SHQ1: variants seen among roughly 807,000 people sequenced by gnomAD.
The protein encoded by SHQ1 is protein SHQ1 homolog.
SHQ1 carries 49 observed loss-of-function variants against 53.8 expected under a neutral mutation model. The ratio of observed to expected loss-of-function variants is 0.91; its 90% CI spans 0.72 to 1.16. The LOEUF (loss-of-function observed/expected upper bound fraction) is 1.16. SHQ1 is among the 50% of genes most tolerant of loss of function. SHQ1 has a pLI of 0.00. For synonymous variants in SHQ1, 243 were observed against 251.0 expected (o/e 0.97, Z 0.30); for missense variants, 738 against 683.1 (o/e 1.08, Z -0.90).
At chr3:72,728,745 G>GTAAA in the SHQ1 span, among the ~76,000 whole-genome samples, 1 of 152,210 alleles carries the variant, frequency 6.6e-6, no homozygotes, top group East Asian at 1.9e-4. Context: ...AAGTTAGGAA[G>GTAAA]CAAATCAACA....
chr3:72,795,819 T>C (rs939687803), intron 9 of SHQ1, among the ~76,000 whole-genome samples: 31 of 152,232 alleles, frequency 2.0e-4, no homozygotes, highest in African/African-American at 7.2e-4. Context: ...AAATGCAGGA[T>C]TGGGGCTAGG....
intron 10 of SHQ1, among the ~76,000 whole-genome samples, chr3:72,757,812 A>C (rs1045460152): frequency 6.6e-6 from 1 of 152,190 alleles, no homozygotes; most frequent in African/African-American, 2.4e-5. Context: ...AACACACACC[A>C]GGGCCTATCA....
chr3:72,839,783 CAG>C (rs1708108649), intron 4 of SHQ1, among the ~76,000 whole-genome samples: 4 of 152,046 alleles, frequency 2.6e-5, no homozygotes, highest in Non-Finnish European at 4.4e-5. Flanking sequence ...TTCTTTGAGA[CAG>C]AGTCTCACAC....
rs140946042 is a variant in SHQ1 at position 72,749,502 on chromosome 3, T to C, written c.*782A>G. The C allele has an allele frequency of 4.0e-3, 865 of 218,410 alleles. 7 individuals carry two copies. Among genetic ancestry groups the C allele is most frequent in the African/African-American group, 0.017 (773 of 44,634 alleles). The allele number at this position is 218,410 out of a possible 1,614,324, so 13.5% of individuals were successfully genotyped here. On this transcript the variant is annotated 3_prime_UTR_variant, in exon 11 of 11. Transcript: ENST00000325599. ...CAAAAAAGGGATACATATTGTATGA[T>C]TCAATTTACATAGAATTCTAGGACA...
At chr3:72,793,279 G>A (rs547336557) in intron 9 of SHQ1, 39 of 299,348 alleles carry the variant, frequency 1.3e-4, no homozygotes, top group Non-Finnish European at 2.0e-4. Flanking sequence ...AGGCCGAGGC[G>A]GGCAGATCAC....
At chr3:72,754,013 A>C (rs1705446110) in intron 10 of SHQ1, among the ~76,000 whole-genome samples, 1 of 152,192 alleles carries the variant, frequency 6.6e-6, no homozygotes, top group South Asian at 2.1e-4. Context: ...GGGAAAGTGG[A>C]TACTGCCTCT....
At chr3:72,845,599 T>C (rs2055482) in intron 1 of SHQ1, among the ~76,000 whole-genome samples, 9,914 of 152,298 alleles carry the variant, frequency 0.065, 478 homozygotes, top group Non-Finnish European at 0.093. Flanking sequence ...AGGAATCTAA[T>C]TGTCACTTTT....
At chr3:72,742,701 C>G in the SHQ1 span, among the ~76,000 whole-genome samples, 4 of 149,612 alleles carry the variant, frequency 2.7e-5, no homozygotes, top group Non-Finnish European at 5.9e-5. Context: ...ACTGCAACCT[C>G]TGCCTCCCAA....
At chr3:72,792,657 C>G (rs141185313) in intron 10 of SHQ1, among the ~76,000 whole-genome samples, 1 of 151,970 alleles carries the variant, frequency 6.6e-6, no homozygotes. Context: ...TGGTGGCACA[C>G]GCCTGTAATC....
intron 5 of SHQ1, among the ~76,000 whole-genome samples, chr3:72,825,836 C>T (rs1216727669): frequency 6.6e-6 from 1 of 152,150 alleles, no homozygotes; most frequent in African/African-American, 2.4e-5. Flanking sequence ...CCACAGCCTT[C>T]CCTTTCAACT....
intron 10 of SHQ1, among the ~76,000 whole-genome samples, chr3:72,788,440 G>A (rs1575693420): frequency 6.6e-6 from 1 of 151,906 alleles, no homozygotes; most frequent in Non-Finnish European, 1.5e-5. Context: ...CTGCCCGGCA[G>A]CCGCCCTGTC....
rs375506568 is a variant in SHQ1, at chr3:72,801,223, C to T, written c.1061-8187G>A. Among the ~76,000 whole-genome samples, 18 of 152,064 alleles carry T rather than the reference C, an allele frequency of 1.2e-4. No homozygotes were observed. In the South Asian group the frequency reaches 3.5e-3, roughly 30 times the overall value. On this transcript the variant is annotated intron_variant, in intron 9 of 10. Transcript: ENST00000325599. ...ATGCATGGAAAAAAGCTCTTTGAAACAGCTGCAACCTAAACCTGAACTTTT... is the reference window on the plus strand; with the variant it reads ...ATGCATGGAAAAAAGCTCTTTGAAATAGCTGCAACCTAAACCTGAACTTTT...
At chr3:72,765,553 A>ATTTTTTT (rs1301529961) in intron 10 of SHQ1, among the ~76,000 whole-genome samples, 3 of 85,468 alleles carry the variant, frequency 3.5e-5, no homozygotes, top group African/African-American at 2.1e-4. Context: ...ATATATATAT[A>ATTTTTTT]TATATTTTTT....
At chr3:72,808,181 C>T (rs1014832793) in intron 9 of SHQ1, among the ~76,000 whole-genome samples, 4 of 151,608 alleles carry the variant, frequency 2.6e-5, no homozygotes, top group Non-Finnish European at 4.4e-5. Flanking sequence ...GTTAAGAGTC[C>T]AGACTTAAGG....
At chr3:72,751,490 G>GTACATATA (rs1559657328) in intron 10 of SHQ1, among the ~76,000 whole-genome samples, 3 of 100,124 alleles carry the variant, frequency 3.0e-5, no homozygotes, top group African/African-American at 5.4e-5. Context: ...GTGTGTGTGT[G>GTACATATA]TGTGTGTGTG....
At chr3:72,842,208 T>G (rs1043623854) in intron 3 of SHQ1, 72 bp downstream of exon 3, 1 of 1,541,280 alleles carries the variant, frequency 6.5e-7, no homozygotes, top group South Asian at 1.1e-5. Context: ...TATATCCCAT[T>G]TCCCCTACAA....
intron 9 of SHQ1, among the ~76,000 whole-genome samples, chr3:72,796,397 C>T (rs1041127265): frequency 6.6e-6 from 1 of 152,124 alleles, no homozygotes; most frequent in African/African-American, 2.4e-5. Context: ...GCAGCCATTA[C>T]CTGATAAAAT....
At chr3:72,838,303 T>C (rs1392343156) in intron 4 of SHQ1, among the ~76,000 whole-genome samples, 1 of 152,244 alleles carries the variant, frequency 6.6e-6, no homozygotes, top group African/African-American at 2.4e-5. Flanking sequence ...ACAAGTAGTA[T>C]ACTATTTACG....
Position 72,832,361 on chromosome 3 carries a change from T to C in SHQ1, c.599+8A>G, listed in dbSNP as rs1707847906. The C allele has an allele frequency of 2.5e-6, 4 of 1,588,794 alleles. No homozygotes were observed. The highest frequency in any genetic ancestry group is 8.6e-7 in the Non-Finnish European group (1 of 1,160,592). ...AATTATTTAATCCTCAAAAATCTCA[T>C]TACTCACAGATAATGATCAGGATCA... On this transcript the variant is annotated splice_region_variant and intron_variant, in intron 5 of 10. Transcript: ENST00000325599.
Sources: gnomAD v4.1 joint callset for allele counts (sites outside exome capture counted in the v4.1 genomes callset) on GRCh38, gnomAD v4.1.1 for gene constraint, MANE v1.5 for transcripts, NCBI Gene and HGNC (gene_info 2026-07-23, HGNC 2026-07-21) for gene names.